The following TFAM variants were observed in gnomAD, a reference collection of about 807,000 sequenced individuals.
TFAM encodes the protein mitochondrial transcription factor 1.
In TFAM, 13 loss-of-function variants were observed where a neutral mutation model predicts 30.6. That is an observed-to-expected ratio of 0.42 (90% CI 0.28 to 0.67). The LOEUF is 0.67. Among genes scored for constraint, TFAM ranks in the 30% least tolerant of loss-of-function variants. The pLI is 0.21. For synonymous variants in TFAM, 106 were observed against 94.8 expected, an observed-to-expected ratio of 1.12 and a Z score of -0.69; for missense variants, 231 against 293.7, an observed-to-expected ratio of 0.79 and a Z score of 1.56.
chr10:58,390,593 T>C (rs1054373206), intron 4 of TFAM, among the ~76,000 whole-genome samples, 172 bp from the exon 5 acceptor site: 4 of 152,210 alleles, frequency 2.6e-5, no homozygotes, highest in African/African-American at 9.6e-5. Flanking sequence ...TTCATAACAG[T>C]GCTGTCAAAA....
chr10:58,394,691 A>C (rs997024270), intron 6 of TFAM, among the ~76,000 whole-genome samples: 1 of 152,160 alleles, frequency 6.6e-6, no homozygotes, highest in African/African-American at 2.4e-5. Context: ...CCTGCACCTC[A>C]AGATCTGAAC....
Position 58,398,019 on chromosome 10 carries a change from T to C in TFAM, c.*2945T>C, listed in dbSNP as rs1840720584. Reference sequence around the variant, plus strand: ...AGCGTTCCTCCTTCCTTGGCCTCCTTAAGTGCTGGGATTATAGGTGTGAGC... The same window carrying C: ...AGCGTTCCTCCTTCCTTGGCCTCCTCAAGTGCTGGGATTATAGGTGTGAGC... On this transcript the variant is annotated 3_prime_UTR_variant, in exon 7 of 7. Transcript: ENST00000487519. 1 of 152,380 alleles carries C rather than the reference T, an allele frequency of 6.6e-6. No individual in the cohort carries two copies. The highest frequency in any genetic ancestry group is 1.5e-5 in the Non-Finnish European group (1 of 68,232). 9.4% of individuals were successfully genotyped at this position (152,380 alleles called of 1,614,324 possible). A position where few individuals can be genotyped will look rare whatever the true frequency, so the allele number is the denominator to read the frequency against.
rs767922656 is a variant in TFAM, at chr10:58,388,215, A to G, written c.246A>G (p.Arg82=). ...ATGCAAAAACTACAGAACTAATTAG[A>G]AGAATTGCCCAGCGTTGGAGGGAAC... ...NPDAKTTELI[R]RIAQRWRELP... is the part of the protein sequence containing the mutation. The change falls in exon 3 of 7, where the codon AGA becomes AGG. Residue 82 remains arginine (R), a synonymous_variant. Transcript: ENST00000487519. 6.2e-7 allele frequency: 1 copy of G among 1,614,046 alleles called. No individual in the cohort carries two copies. Among genetic ancestry groups the G allele is most frequent in the South Asian group, 1.1e-5 (1 of 91,078 alleles).
At chr10:58,394,800 T>C in intron 6 of TFAM, 128 bp from the exon 7 acceptor site, 1 of 899,216 alleles carries the variant, frequency 1.1e-6, no homozygotes. Flanking sequence ...TCTGCCTTTA[T>C]ACATGTAGAA....
intron 6 of TFAM, 191 bp downstream of exon 6, chr10:58,394,605 G>A (rs563662385): frequency 8.2e-6 from 6 of 729,790 alleles, no homozygotes; most frequent in Middle Eastern, 2.7e-4. Flanking sequence ...AATAAAATTG[G>A]TATTTGAAAC....
intron 6 of TFAM, 146 bp downstream of exon 6, chr10:58,394,560 G>A: frequency 1.2e-6 from 1 of 851,832 alleles, no homozygotes; most frequent in Non-Finnish European, 2.0e-6. Flanking sequence ...CTCAGAACCA[G>A]TTTGGCATTT....
chr10:58,385,776 C>CCG (rs1840474943), intron 1 of TFAM, 128 bp downstream of exon 1: 1 of 773,818 alleles, frequency 1.3e-6, no homozygotes, highest in Non-Finnish European at 2.2e-6. Context: ...TTGATTCAGA[C>CCG]CGCGACCTTG....
chr10:58,386,656 C>A, intron 2 of TFAM: 1 of 1,154,760 alleles, frequency 8.7e-7, no homozygotes, highest in Non-Finnish European at 1.1e-6. Flanking sequence ...CTAGCTCCTC[C>A]TTTTTCTGGC....
Position 58,395,324 on chromosome 10 carries a change from C to A in TFAM, c.*250C>A. On this transcript the variant is annotated 3_prime_UTR_variant, in exon 7 of 7. Coordinates refer to ENST00000487519, the MANE Select transcript of TFAM (RefSeq NM_003201.3). ...CAGAGTAATCCAAGCAAATGTGAAT[C>A]ATTTTACCTTTGACAAAGGTAAATC... 2.2e-6 allele frequency: 1 copy of A among 461,758 alleles called. No individual in the cohort carries two copies. The highest frequency in any genetic ancestry group is 3.9e-6 in the Non-Finnish European group (1 of 256,202). 28.6% of individuals were successfully genotyped at this position (461,758 alleles called of 1,614,324 possible).
intron 2 of TFAM, chr10:58,386,642 T>G: frequency 1.7e-6 from 2 of 1,175,144 alleles, no homozygotes; most frequent in Non-Finnish European, 2.1e-6. Context: ...TTATTTTCTC[T>G]TGCCTAGCTC....
chr10:58,391,104 T>C (rs1416446494), intron 5 of TFAM, among the ~76,000 whole-genome samples: 2 of 152,148 alleles, frequency 1.3e-5, no homozygotes, highest in Admixed American at 6.5e-5. Flanking sequence ...TTTTTTTTAA[T>C]ATGTAGGGAT....
In TFAM at chr10:58,386,290, C is replaced by G. The variant is rs775130986; in HGVS notation, c.172C>G (p.Leu58Val). 6.2e-7 allele frequency: 1 copy of G among 1,613,782 alleles called. No individual in the cohort carries two copies. Reference sequence around the variant, plus strand: ...TCCAAAGAAACCTGTAAGTTCTTACCTTCGATTTTCTAAAGAACAACTACC... The same window carrying G: ...TCCAAAGAAACCTGTAAGTTCTTACGTTCGATTTTCTAAAGAACAACTACC... The part of the protein sequence containing the change: ...SCPKKPVSSY[L>V]RFSKEQLPIF... Residue 58 changes from leucine (L) to valine (V), a missense_variant, in exon 2 of 7, where the codon CTT (leucine) becomes GTT (valine). Coordinates refer to ENST00000487519, the MANE Select transcript of TFAM (RefSeq NM_003201.3).
chr10:58,388,245 T>G lies in TFAM; in HGVS notation c.276T>G (p.Pro92=). Residue 92 remains proline, a synonymous_variant, in exon 3 of 7, where the codon CCT becomes CCG. Coordinates refer to ENST00000487519, the MANE Select transcript of TFAM (RefSeq NM_003201.3). ...TTGCCCAGCGTTGGAGGGAACTTCC[T>G]GATTCAAAGAAAAAAGTAAGCACAT... ...RRIAQRWREL[P]DSKKKIYQDA... is the part of the protein sequence containing the mutation. The G allele has an allele frequency of 1.2e-6, 2 of 1,614,002 alleles. No individual in the cohort carries two copies. The highest frequency in any genetic ancestry group is 1.7e-6 in the Non-Finnish European group (2 of 1,179,906).
chr10:58,398,881 C>G lies in TFAM; in HGVS notation c.*3807C>G, dbSNP rs1263952518. On this transcript the variant is annotated 3_prime_UTR_variant, in exon 7 of 7. Transcript: ENST00000487519. ...GTCACAGACAAATCTGAAAATGTTA[C>G]AAGCACAGACTATGTTGTATGTTTT... is the stretch of plus-strand genomic sequence containing the variant. The G allele has an allele frequency of 1.3e-5, 2 of 152,162 alleles. No individual in the cohort carries two copies. Among genetic ancestry groups the G allele is most frequent in the Non-Finnish European group, 2.9e-5 (2 of 68,018 alleles). 9.4% of individuals were successfully genotyped at this position (152,162 alleles called of 1,614,324 possible).
intron 2 of TFAM, among the ~76,000 whole-genome samples, chr10:58,387,021 C>T (rs532252656): frequency 2.6e-5 from 4 of 152,102 alleles, no homozygotes; most frequent in African/African-American, 4.8e-5. Context: ...CCCAGCACTT[C>T]GGGAGGTCGA....
At position 58,385,436 on chromosome 10, in the gene TFAM, A is replaced by G. The variant is rs1050486991; in HGVS notation, c.-112A>G. The G allele has an allele frequency of 6.9e-5, 54 of 780,556 alleles. No homozygotes were observed. Among genetic ancestry groups the G allele is most frequent in the Non-Finnish European group, 1.1e-4 (51 of 461,608 alleles). 48.4% of individuals were successfully genotyped at this position (780,556 alleles called of 1,614,324 possible). Reference sequence around the variant, plus strand: ...TAGTGCCTCGCTAGTGGCGGGCATGATAACACACGCCGGAGGGTCGCACGC... The same window carrying G: ...TAGTGCCTCGCTAGTGGCGGGCATGGTAACACACGCCGGAGGGTCGCACGC... On this transcript the variant is annotated 5_prime_UTR_variant, in exon 1 of 7. Transcript: ENST00000487519.
intron 2 of TFAM, among the ~76,000 whole-genome samples, chr10:58,386,938 C>T (rs758381739): frequency 6.6e-6 from 1 of 151,958 alleles, no homozygotes; most frequent in Non-Finnish European, 1.5e-5. Context: ...TGTTTGTTGA[C>T]TCTCTAGAAA....
chr10:58,390,857 G>T lies in TFAM; in HGVS notation c.534G>T (p.Pro178=), dbSNP rs371492198. 4.3e-6 allele frequency: 7 copies of T among 1,611,712 alleles called. No homozygotes were observed. The East Asian group carries it at 6.7e-5, about 15-fold the overall frequency. ...TCCAAGAAGCTAAGGGTGATTCACC[G>T]CAGGTAAAGCTGAAATATATTTTTG... The part of the protein sequence containing the change: ...ERFQEAKGDS[P]QEKLKTVKEN... The change falls in exon 5 of 7, where the codon CCG becomes CCT. Residue 178 remains proline, a synonymous_variant. Coordinates refer to ENST00000487519, the MANE Select transcript of TFAM (RefSeq NM_003201.3).
intron 4 of TFAM, among the ~76,000 whole-genome samples, chr10:58,389,159 T>A (rs975860152): frequency 6.6e-6 from 1 of 152,250 alleles, no homozygotes; most frequent in Non-Finnish European, 1.5e-5. Flanking sequence ...TTCTTTAGAA[T>A]AACGTATTAA....
Sources: allele counts gnomAD v4.1 joint callset (sites outside exome capture counted in the v4.1 genomes callset), GRCh38; gene constraint gnomAD v4.1.1; transcripts MANE v1.5; gene names NCBI Gene and HGNC (gene_info 2026-07-23, HGNC 2026-07-21).